BZW2: variants seen among roughly 807,000 people sequenced by gnomAD.
BZW2 encodes basic leucine zipper and W2 domains 2, also known as eIF5-mimic protein 1.
Under a neutral mutation model 53.2 loss-of-function variants are expected in BZW2, and 23 were observed. The ratio of observed to expected loss-of-function variants is 0.43; its 90% confidence interval spans 0.31 to 0.61. The LOEUF (loss-of-function observed/expected upper bound fraction) is 0.61, where lower values mean the gene tolerates loss of function less well. Ranked by LOEUF, BZW2 falls within the 20% of genes least tolerant of loss-of-function variation. The probability of loss-of-function intolerance (pLI) is 0.09; values close to 1 mark genes in which losing one functional copy is unlikely to be tolerated. For missense variants in BZW2, 409 were observed against 503.1 expected (o/e 0.81, Z 1.79); for synonymous variants, 227 against 186.4 (o/e 1.22, Z -1.77).
intron 5 of BZW2, 34 bp from the exon 6 acceptor site, chr7:16,685,871 T>C: frequency 6.8e-7 from 1 of 1,471,370 alleles, no homozygotes; most frequent in Non-Finnish European, 8.9e-7. Context: ...TTTCTTTTTC[T>C]TTTTCTTTTT....
intron 2 of BZW2, among the ~76,000 whole-genome samples, chr7:16,666,281 G>A (rs1285760946): frequency 2.6e-5 from 4 of 151,846 alleles, no homozygotes; most frequent in African/African-American, 9.7e-5. Context: ...AAATTTTTTT[G>A]TAGAGACAGG....
chr7:16,668,570 T>G (rs527611891), intron 2 of BZW2, among the ~76,000 whole-genome samples: 16 of 152,328 alleles, frequency 1.1e-4, no homozygotes, highest in African/African-American at 3.8e-4. Context: ...TAACTTTTCT[T>G]TGCTATTATG....
chr7:16,659,189 A>G (rs753632089), intron 1 of BZW2, among the ~76,000 whole-genome samples: 3 of 152,258 alleles, frequency 2.0e-5, no homozygotes, highest in South Asian at 4.1e-4. Flanking sequence ...ACTTGTGCCA[A>G]CTATCTACCT....
At chr7:16,679,009 T>G (rs1782856554) in intron 3 of BZW2, among the ~76,000 whole-genome samples, 1 of 152,020 alleles carries the variant, frequency 6.6e-6, no homozygotes, top group African/African-American at 2.4e-5. Context: ...GAATTACTGA[T>G]GAAGGTCCAT....
chr7:16,673,094 C>T (rs1376054558), intron 2 of BZW2, among the ~76,000 whole-genome samples: 1 of 152,046 alleles, frequency 6.6e-6, no homozygotes, highest in Non-Finnish European at 1.5e-5. Flanking sequence ...TAACAGGGGC[C>T]CGCCACCACC....
At chr7:16,683,919 T>C (rs1440656457) in intron 5 of BZW2, among the ~76,000 whole-genome samples, 1 of 152,136 alleles carries the variant, frequency 6.6e-6, no homozygotes, top group Non-Finnish European at 1.5e-5. Flanking sequence ...GTGTATAATA[T>C]TGAAGAGCAA....
chr7:16,697,204 C>T, intron 9 of BZW2, 143 bp downstream of exon 9: 1 of 940,360 alleles, frequency 1.1e-6, no homozygotes. Flanking sequence ...ACCCTCCCTC[C>T]TCAGCCTCCC....
At position 16,694,522 on chromosome 7, in the gene BZW2, G is replaced by A. The variant is rs547786323; in HGVS notation, c.652-312G>A. The stretch of plus-strand genomic sequence containing the variant: ...AACATAACCCACTAATCCATGAATG[G>A]ATTAATCCATTCATGAGGGCAGAGC... On this transcript the variant is annotated intron_variant, in intron 7 of 11. Coordinates refer to ENST00000258761, the MANE Select transcript of BZW2 (RefSeq NM_014038.3). Among the ~76,000 whole-genome samples the A allele has an allele frequency of 7.9e-5, 12 of 152,052 alleles. No homozygotes were observed. In the South Asian group the frequency reaches 1.2e-3, roughly 16 times the overall value.
chr7:16,646,202 A>ACTGCTGCTGCTGCTGCTGCTGCCG lies in BZW2; in HGVS notation c.-83_-60dup, dbSNP rs1554263743. The ACTGCTGCTGCTGCTGCTGCTGCCG allele has an allele frequency of 3.5e-4, 119 of 337,834 alleles. 5 individuals are homozygous for ACTGCTGCTGCTGCTGCTGCTGCCG. In the Middle Eastern group the frequency reaches 3.8e-3, roughly 11 times the overall value. The allele number at this position is 337,834 out of a possible 1,614,324, so 20.9% of individuals were successfully genotyped here. ...CTTCACTCCTCCATTGTCTGCCGCC[A>ACTGCTGCTGCTGCTGCTGCTGCCG]CTGCTGCTGCTGCTGCTGCTGCCGC... On this transcript the variant is annotated 5_prime_UTR_variant, in exon 1 of 12. Transcript: ENST00000258761.
At chr7:16,651,771 T>C (rs559065042) in intron 1 of BZW2, among the ~76,000 whole-genome samples, 4 of 152,286 alleles carry the variant, frequency 2.6e-5, no homozygotes, top group Admixed American at 6.5e-5. Context: ...GATAAATGCC[T>C]TTTCCCCCCC....
chr7:16,674,590 T>C lies in BZW2; in HGVS notation c.235+2T>C. On this transcript the variant is annotated splice_donor_variant, in intron 3 of 11. Coordinates refer to ENST00000258761, the MANE Select transcript of BZW2 (RefSeq NM_014038.3). LOFTEE classifies it high-confidence loss of function. ...TCCTGGTGGCTGGCAGTATGCTTGG[T>C]AAACCATGCATTATCGCTTCTTGTA... is the stretch of plus-strand genomic sequence containing the variant. The C allele has an allele frequency of 6.3e-7, 1 of 1,586,998 alleles. No homozygotes were observed. Among genetic ancestry groups the C allele is most frequent in the Non-Finnish European group, 8.6e-7 (1 of 1,165,918 alleles).
chr7:16,691,193 A>G (rs921215782), intron 7 of BZW2, among the ~76,000 whole-genome samples: 4 of 152,158 alleles, frequency 2.6e-5, no homozygotes, highest in African/African-American at 9.7e-5. Context: ...TTCATTCCTC[A>G]TGTTTCCTGA....
At chr7:16,674,812 C>T (rs1157619821) in intron 3 of BZW2, among the ~76,000 whole-genome samples, 2 of 152,080 alleles carry the variant, frequency 1.3e-5, no homozygotes, top group African/African-American at 2.4e-5. Flanking sequence ...CTTTGGTTGA[C>T]GTTACAACAA....
At position 16,689,889 on chromosome 7, in the gene BZW2, T is replaced by G. The variant is rs528975449; in HGVS notation, c.634T>G (p.Leu212Val). Residue 212 changes from leucine (L) to valine (V), a missense_variant, in exon 7 of 12, where the codon TTA becomes GTA. By Grantham distance (32) the Leu-to-Val change is conservative. This residue lies in a region of BZW2 where 316 missense variants were observed against 366.8 expected (regional missense o/e 0.86). Coordinates refer to ENST00000258761, the MANE Select transcript of BZW2 (RefSeq NM_014038.3). ...SVTSSLRKAN[L>V]DKRLLELFPV... ...TACCTCGTCTTTGAGAAAAGCCAACTTAGACAAGAGGCTGCTTGTAAGTGT... is the reference window on the plus strand; with the variant it reads ...TACCTCGTCTTTGAGAAAAGCCAACGTAGACAAGAGGCTGCTTGTAAGTGT... The G allele has an allele frequency of 2.5e-6, 4 of 1,610,950 alleles. No homozygotes were observed. The East Asian group carries it at 8.9e-5, about 36-fold the overall frequency.
intron 1 of BZW2, among the ~76,000 whole-genome samples, chr7:16,651,622 A>G (rs1781985577): frequency 6.6e-6 from 1 of 152,178 alleles, no homozygotes; most frequent in East Asian, 1.9e-4. Context: ...GAGTGTGAAG[A>G]TTGTGTTTGT....
At chr7:16,669,775 A>G (rs947714716) in intron 2 of BZW2, among the ~76,000 whole-genome samples, 3 of 152,206 alleles carry the variant, frequency 2.0e-5, no homozygotes, top group East Asian at 1.9e-4. Context: ...TACAAGGGCT[A>G]TGATGACTAA....
chr7:16,699,340 C>A (rs1043665970), intron 10 of BZW2, among the ~76,000 whole-genome samples: 4 of 152,124 alleles, frequency 2.6e-5, no homozygotes, highest in Non-Finnish European at 5.9e-5. Context: ...CAAAGTGATC[C>A]ACCCATCAGA....
chr7:16,703,770 C>G (rs1039278102), intron 10 of BZW2, among the ~76,000 whole-genome samples: 5 of 152,070 alleles, frequency 3.3e-5, no homozygotes, highest in Non-Finnish European at 5.9e-5. Context: ...ATTAAATACT[C>G]TCAATTAATG....
At position 16,665,507 on chromosome 7, in the gene BZW2, T is replaced by TTGTGTGTG. The variant is rs71848458; in HGVS notation, c.58+22_58+29dup. ...GTTCAAAACTCGGAAAAGGGGTAGG[T>TTGTGTGTG]TGTGTGTGTGTGTGTGTGTGTGTTT... is the stretch of plus-strand genomic sequence containing the variant. On this transcript the variant is annotated splice_region_variant and intron_variant, in intron 2 of 11. Coordinates refer to ENST00000258761, the MANE Select transcript of BZW2 (RefSeq NM_014038.3). 3,703 of 1,548,384 alleles carry TTGTGTGTG rather than the reference T, an allele frequency of 2.4e-3. 44 individuals are homozygous for TTGTGTGTG. The African/African-American group carries it at 0.045, about 19-fold the overall frequency.
Sources: allele counts gnomAD v4.1 joint callset (sites outside exome capture counted in the v4.1 genomes callset), GRCh38; gene constraint gnomAD v4.1.1; regional missense constraint gnomAD v4.1.1; transcripts MANE v1.5; gene names NCBI Gene and HGNC (gene_info 2026-07-23, HGNC 2026-07-21).